The following PLEKHH2 variants were observed in gnomAD, a reference collection of about 807,000 sequenced individuals.
PLEKHH2 encodes the protein pleckstrin homology domain-containing family H member 2.
In PLEKHH2, 129 loss-of-function variants were observed where a neutral mutation model predicts 187.9. That is an observed-to-expected ratio of 0.69 (90% CI 0.59 to 0.79). The LOEUF (loss-of-function observed/expected upper bound fraction) is 0.79. PLEKHH2 is among the 30% of genes least tolerant of loss of function. The pLI is 0.00. For synonymous variants in PLEKHH2, 686 were observed against 605.6 expected, an observed-to-expected ratio of 1.13 and a Z score of -1.95; for missense variants, 2,076 against 1,751.2, an observed-to-expected ratio of 1.19 and a Z score of -3.31.
chr2:43,700,325 G>C lies in PLEKHH2; in HGVS notation c.1367G>C (p.Arg456Thr), dbSNP rs577902213. 3 of 1,613,952 alleles carry C rather than the reference G, an allele frequency of 1.9e-6. No individual in the cohort carries two copies. The highest frequency in any genetic ancestry group is 2.5e-6 in the Non-Finnish European group (3 of 1,180,006). ...VFSISVALAK[R>T]HLSQPQLSSD... is the part of the protein sequence containing the mutation. ...AGTATAAGTGTAGCACTAGCCAAAA[G>C]GCACTTAAGCCAGCCACAGTTAAGC... The change falls in exon 8 of 30, where the codon AGG becomes ACG. Residue 456 changes from arginine to threonine, a missense_variant. Coordinates refer to ENST00000282406, the MANE Select transcript of PLEKHH2 (RefSeq NM_172069.4).
chr2:43,706,950 C>G (rs951313820), intron 10 of PLEKHH2, among the ~76,000 whole-genome samples: 1 of 152,160 alleles, frequency 6.6e-6, no homozygotes, highest in East Asian at 1.9e-4. Flanking sequence ...GTAATCCCAG[C>G]ACTTTGGGAG....
intron 27 of PLEKHH2, among the ~76,000 whole-genome samples, 159 bp from the exon 28 acceptor site, chr2:43,762,145 C>T (rs181212413): frequency 1.4e-4 from 22 of 152,236 alleles, no homozygotes; most frequent in African/African-American, 5.1e-4. Flanking sequence ...CTCTTAGCTC[C>T]GGTATACCAC....
chr2:43,757,521 C>T (rs554789026), intron 26 of PLEKHH2, among the ~76,000 whole-genome samples: 1 of 151,602 alleles, frequency 6.6e-6, no homozygotes, highest in East Asian at 1.9e-4. Flanking sequence ...CCGGGTACAG[C>T]CATTCTCATG....
chr2:43,706,559 T>C, intron 10 of PLEKHH2, 143 bp downstream of exon 10: 1 of 643,862 alleles, frequency 1.6e-6, no homozygotes, highest in Non-Finnish European at 2.6e-6. Context: ...CACGTTAACA[T>C]ATCATAAAAA....
intron 14 of PLEKHH2, chr2:43,711,756 G>C (rs774980603): frequency 1.6e-5 from 6 of 379,916 alleles, no homozygotes; most frequent in Non-Finnish European, 2.2e-5. Flanking sequence ...ATCCGGGCAT[G>C]GTGGCAGGTG....
In PLEKHH2 at chr2:43,650,144, CTTT is replaced by C. The variant is rs70965311; in HGVS notation, c.123+5368_123+5370del. ...ATCATTTCAGGTTTGTTTTTCTTTC[CTTT>C]TTTTTTTTTTTTTTTTTTTCTGAGA... is the stretch of plus-strand genomic sequence containing the variant. On this transcript the variant is annotated intron_variant, in intron 2 of 29. Coordinates refer to ENST00000282406, the MANE Select transcript of PLEKHH2 (RefSeq NM_172069.4). Among the ~76,000 whole-genome samples the C allele has an allele frequency of 6.3e-5, 6 of 95,674 alleles. No individual in the cohort carries two copies. In the South Asian group the frequency reaches 1.1e-3, roughly 17 times the overall value. The allele number at this position is 95,674 out of a possible 152,430, so 62.8% of individuals were successfully genotyped here. A position where few individuals can be genotyped will look rare whatever the true frequency, so the allele number is the denominator to read the frequency against.
intron 16 of PLEKHH2, among the ~76,000 whole-genome samples, chr2:43,723,061 G>C (rs1477911324): frequency 1.3e-5 from 2 of 152,056 alleles, no homozygotes; most frequent in African/African-American, 4.8e-5. Flanking sequence ...TGCATCCTTT[G>C]GTAAAATGAA....
rs762936575 is a variant in PLEKHH2, at chr2:43,729,634, A to C, written c.2722-3A>C. 2 of 1,573,964 alleles carry C rather than the reference A, an allele frequency of 1.3e-6. No individual in the cohort carries two copies. Among genetic ancestry groups the C allele is most frequent in the African/African-American group, 1.4e-5 (1 of 73,040 alleles). ...CATTTAATTAATATGTTCTGGTTTT[A>C]AGGACACTTGGCTTTATCATCTGAC... is the stretch of plus-strand genomic sequence containing the variant. On this transcript the variant is annotated splice_region_variant and splice_polypyrimidine_tract_variant and intron_variant, in intron 17 of 29. Coordinates refer to ENST00000282406, the MANE Select transcript of PLEKHH2 (RefSeq NM_172069.4).
intron 22 of PLEKHH2, 42 bp from the exon 23 acceptor site, chr2:43,743,792 T>C (rs1391371523): frequency 6.4e-7 from 1 of 1,551,882 alleles, no homozygotes; most frequent in Non-Finnish European, 8.8e-7. Flanking sequence ...TTTGAAACTA[T>C]ATATTTCTTA....
At chr2:43,740,750 A>G in intron 20 of PLEKHH2, 196 bp from the exon 21 acceptor site, 1 of 992,660 alleles carries the variant, frequency 1.0e-6, no homozygotes, top group Non-Finnish European at 1.3e-6. Context: ...ACACAACTAG[A>G]TGGATCATAG....
At chr2:43,714,867 G>C (rs1479813063) in intron 15 of PLEKHH2, among the ~76,000 whole-genome samples, 3 of 152,226 alleles carry the variant, frequency 2.0e-5, no homozygotes, top group Non-Finnish European at 4.4e-5. Context: ...AGATGTGTCA[G>C]TAATGACTTC....
intron 2 of PLEKHH2, among the ~76,000 whole-genome samples, chr2:43,648,745 T>C (rs28470611): frequency 0.35 from 53,284 of 151,526 alleles, 9,762 homozygotes; most frequent in Non-Finnish European, 0.42. Flanking sequence ...CACATCTGGC[T>C]AATTTTGTAT....
intron 3 of PLEKHH2, chr2:43,692,112 T>G (rs1456941072): frequency 6.5e-6 from 1 of 153,406 alleles, no homozygotes; most frequent in African/African-American, 2.4e-5. Context: ...CCATAATACA[T>G]TATTATACCA....
chr2:43,698,860 T>C (rs1310636720), intron 7 of PLEKHH2, among the ~76,000 whole-genome samples: 8 of 152,222 alleles, frequency 5.3e-5, no homozygotes, highest in African/African-American at 1.7e-4. Context: ...TATCTAAAGA[T>C]ATTTTTAAAG....
chr2:43,638,933 T>C (rs767540105), intron 1 of PLEKHH2, among the ~76,000 whole-genome samples: 25 of 152,224 alleles, frequency 1.6e-4, no homozygotes, highest in Non-Finnish European at 3.4e-4. Context: ...GGAATGTAGA[T>C]GTTAAATGCC....
chr2:43,736,135 G>T (rs1240604056), intron 19 of PLEKHH2, among the ~76,000 whole-genome samples: 1 of 151,804 alleles, frequency 6.6e-6, no homozygotes, highest in Non-Finnish European at 1.5e-5. Flanking sequence ...ATTTACAGAT[G>T]GTATATTTGT....
At chr2:43,708,805 T>C (rs546502677) in intron 11 of PLEKHH2, among the ~76,000 whole-genome samples, 1 of 152,314 alleles carries the variant, frequency 6.6e-6, no homozygotes, top group South Asian at 2.1e-4. Flanking sequence ...CTCTGGGCCT[T>C]AGTCTCCTTG....
intron 20 of PLEKHH2, among the ~76,000 whole-genome samples, chr2:43,740,263 G>T (rs552919455): frequency 1.4e-4 from 21 of 152,204 alleles, no homozygotes; most frequent in African/African-American, 4.6e-4. Context: ...TTTAACAAAT[G>T]CAGTGTTTTA....
At chr2:43,685,360 C>T (rs921466344) in intron 3 of PLEKHH2, among the ~76,000 whole-genome samples, 2 of 152,192 alleles carry the variant, frequency 1.3e-5, no homozygotes, top group Non-Finnish European at 2.9e-5. Context: ...AAAAAAGTCA[C>T]AGATAAATAT....
Sources: gnomAD v4.1 joint callset for allele counts (sites outside exome capture counted in the v4.1 genomes callset) on GRCh38, gnomAD v4.1.1 for gene constraint, MANE v1.5 for transcripts, NCBI Gene and HGNC (gene_info 2026-07-23, HGNC 2026-07-21) for gene names.